MFN2: variants seen among roughly 807,000 people sequenced by gnomAD.
MFN2 encodes the protein mitofusin 2, also known as mitofusin-2.
MFN2 carries 43 observed loss-of-function variants against 87.5 expected under a neutral mutation model. The ratio of observed to expected loss-of-function variants is 0.49; its 90% CI spans 0.38 to 0.63. MFN2 has a LOEUF of 0.63. Ranked by LOEUF, MFN2 falls within the 30% of genes least tolerant of loss-of-function variation. MFN2 has a pLI of 0.00. For synonymous variants in MFN2, 337 were observed against 359.9 expected, an observed-to-expected ratio of 0.94 and a Z score of 0.72; for missense variants, 743 against 972.8, an observed-to-expected ratio of 0.76 and a Z score of 3.14.
intron 3 of MFN2, among the ~76,000 whole-genome samples, chr1:11,991,018 A>G (rs1638651990): frequency 6.6e-6 from 1 of 152,166 alleles, no homozygotes; most frequent in Admixed American, 6.5e-5. Context: ...CATAGTTCCC[A>G]GGAGTGTGCA....
chr1:11,990,552 G>GT (rs1638633441), intron 3 of MFN2, among the ~76,000 whole-genome samples: 1 of 152,202 alleles, frequency 6.6e-6, no homozygotes, highest in Admixed American at 6.5e-5. Context: ...AAACACATGC[G>GT]TAATGCAGGT....
intron 3 of MFN2, among the ~76,000 whole-genome samples, chr1:11,991,960 CAT>C (rs1188081106): frequency 9.0e-6 from 1 of 111,352 alleles, no homozygotes; most frequent in Admixed American, 9.4e-5. Context: ...AAAGAAGTGA[CAT>C]AGAGTGGTTA....
At position 12,002,088 on chromosome 1, in the gene MFN2, C is replaced by A; in HGVS notation, c.1145C>A (p.Ala382Glu). The change falls in exon 11 of 19, where the codon GCG (alanine) becomes GAG (glutamate). Residue 382 changes from alanine (A) to glutamate (E), a missense_variant. Around this residue, in one of 3 missense-constraint regions of MFN2, gnomAD observed 571 missense variants for 670.7 expected, o/e 0.85. Coordinates refer to ENST00000235329, the MANE Select transcript of MFN2 (RefSeq NM_014874.4). ...VRLIMDSLHM[A>E]AREQQVYCEE... ...CTCATCATGGACTCCCTGCACATGG[C>A]GGCTCGGGAGCAGCAGTAAGAGTCC... 6.2e-7 allele frequency: 1 copy of A among 1,614,212 alleles called. No homozygotes were observed. Among genetic ancestry groups the A allele is most frequent in the Non-Finnish European group, 8.5e-7 (1 of 1,180,030 alleles).
chr1:12,002,849 G>A (rs1569856628), intron 11 of MFN2, among the ~76,000 whole-genome samples: 1 of 152,182 alleles, frequency 6.6e-6, no homozygotes, highest in African/African-American at 2.4e-5. Flanking sequence ...AATTTACATT[G>A]TTCTATCACC....
intron 6 of MFN2, among the ~76,000 whole-genome samples, chr1:11,998,147 G>A (rs900502989): frequency 1.3e-5 from 2 of 151,680 alleles, no homozygotes. Context: ...CTCCCAAAGT[G>A]CTGGGATTAC....
At position 12,005,789 on chromosome 1, in the gene MFN2, A is replaced by C. The variant is rs145654854; in HGVS notation, c.1574A>C (p.Asn525Thr). 6.2e-7 allele frequency: 1 copy of C among 1,614,010 alleles called. No individual in the cohort carries two copies. Among genetic ancestry groups the C allele is most frequent in the Non-Finnish European group, 8.5e-7 (1 of 1,180,012 alleles). Reference protein sequence around the residue: ...MLVPRQCFSLNYDLNCDKLCA... With the variant: ...MLVPRQCFSLTYDLNCDKLCA... The stretch of plus-strand genomic sequence containing the variant: ...GTCCCACGCCAGTGCTTCTCCCTCA[A>C]CTATGACCTAAACTGTGACAAGCTG... Residue 525 changes from asparagine (N) to threonine (T), a missense_variant, in exon 15 of 19, where the codon AAC (asparagine) becomes ACC (threonine). Physicochemically the swap from Asn to Thr is moderately conservative, Grantham distance 65. Transcript: ENST00000235329.
chr1:12,000,922 C>T (rs901094214), intron 8 of MFN2, among the ~76,000 whole-genome samples: 96 of 152,300 alleles, frequency 6.3e-4, no homozygotes, highest in African/African-American at 2.1e-3. Context: ...AACCCCCACA[C>T]GTTGGTCTGG....
At chr1:11,981,398 G>C (rs1054661936) in intron 1 of MFN2, among the ~76,000 whole-genome samples, 1 of 152,218 alleles carries the variant, frequency 6.6e-6, no homozygotes, top group South Asian at 2.1e-4. Context: ...ATCTACTCAG[G>C]AGGCTGAGGC....
intron 3 of MFN2, among the ~76,000 whole-genome samples, chr1:11,991,923 CA>C (rs35314016): frequency 0.12 from 1,930 of 16,504 alleles, 2 homozygotes; most frequent in Middle Eastern, 0.14. Context: ...GACTCCGTCT[CA>C]AAAAAAAAAA....
At chr1:11,984,583 T>C (rs1285260704) in intron 2 of MFN2, among the ~76,000 whole-genome samples, 2 of 152,210 alleles carry the variant, frequency 1.3e-5, no homozygotes, top group Admixed American at 6.5e-5. Context: ...TTTTTTGATA[T>C]AATGTTAGAT....
At chr1:11,998,030 C>T (rs1364250245) in intron 6 of MFN2, among the ~76,000 whole-genome samples, 1 of 151,088 alleles carries the variant, frequency 6.6e-6, no homozygotes, top group Non-Finnish European at 1.5e-5. Context: ...ATTACAGGTG[C>T]CCGCCACCAT....
intron 4 of MFN2, among the ~76,000 whole-genome samples, chr1:11,995,715 C>T (rs1638880839): frequency 6.6e-6 from 1 of 152,098 alleles, no homozygotes; most frequent in Non-Finnish European, 1.5e-5. Flanking sequence ...CAAGGTGGAG[C>T]TTCATGTGTA....
Position 12,007,239 on chromosome 1 carries a change from C to T in MFN2, c.2059C>T (p.Gln687Ter). The T allele has an allele frequency of 6.2e-7, 1 of 1,613,966 alleles. No individual in the cohort carries two copies. Among genetic ancestry groups the T allele is most frequent in the Non-Finnish European group, 8.5e-7 (1 of 1,179,994 alleles). Reference protein sequence around the residue: ...ISYTGSNCSHQVQQELSGTFA... With the variant: ...ISYTGSNCSH ...CTACACTGGCTCCAACTGCAGCCACCAAGTCCAGCAGTGAGTGGCCCTGTC... is the reference window on the plus strand; with the variant it reads ...CTACACTGGCTCCAACTGCAGCCACTAAGTCCAGCAGTGAGTGGCCCTGTC... The change falls in exon 17 of 19, where the codon CAA (glutamine) becomes TAA (stop). Residue 687 changes from glutamine (Q) to a stop codon, truncating the protein, a stop_gained. Transcript: ENST00000235329. LOFTEE classifies it high-confidence loss of function.
intron 17 of MFN2, among the ~76,000 whole-genome samples, chr1:12,008,599 C>T (rs147222914): frequency 0.054 from 8,054 of 150,512 alleles, 323 homozygotes; most frequent in South Asian, 0.15. Flanking sequence ...CGCTCCTCAC[C>T]TCCTAGACGG....
chr1:11,989,817 A>G (rs1638597188), intron 3 of MFN2, among the ~76,000 whole-genome samples: 1 of 152,188 alleles, frequency 6.6e-6, no homozygotes, highest in East Asian at 1.9e-4. Context: ...TGACAGAACT[A>G]TAGGAAACTC....
At chr1:11,992,509 A>G in intron 3 of MFN2, 46 bp from the exon 4 acceptor site, 1 of 1,613,674 alleles carries the variant, frequency 6.2e-7, no homozygotes, top group Non-Finnish European at 8.5e-7. Context: ...GGGACTGTGG[A>G]ACTCCTCTGA....
chr1:11,991,863 G>A (rs536272704), intron 3 of MFN2, among the ~76,000 whole-genome samples: 111 of 134,760 alleles, frequency 8.2e-4, no homozygotes, highest in Non-Finnish European at 1.4e-3. Context: ...GGCGGAGCTT[G>A]CAGTGAGCCC....
chr1:12,001,310 G>C (rs1639160640), intron 8 of MFN2, 91 bp from the exon 9 acceptor site: 1 of 1,542,154 alleles, frequency 6.5e-7, no homozygotes, highest in Non-Finnish European at 8.8e-7. Context: ...ACCATGCCCA[G>C]CCTCTTATGA....
intron 4 of MFN2, among the ~76,000 whole-genome samples, chr1:11,993,742 A>C (rs1291331626): frequency 6.6e-6 from 1 of 152,164 alleles, no homozygotes; most frequent in Non-Finnish European, 1.5e-5. Context: ...TCAAAAAAAA[A>C]AAAAAAAATC....
Sources: allele counts gnomAD v4.1 joint callset (sites outside exome capture counted in the v4.1 genomes callset), GRCh38; gene constraint gnomAD v4.1.1; regional missense constraint gnomAD v4.1.1; transcripts MANE v1.5; gene names NCBI Gene and HGNC (gene_info 2026-07-23, HGNC 2026-07-21).